Variants in FYB2 observed in about 807,000 individuals in gnomAD.
FYB2 encodes the protein FYN binding protein 2.
Under a neutral mutation model 94.1 loss-of-function variants are expected in FYB2, and 103 were observed. The ratio of observed to expected loss-of-function variants is 1.09; its 90% CI spans 0.93 to 1.29. The LOEUF (loss-of-function observed/expected upper bound fraction) is 1.29, where lower values mean the gene tolerates loss of function less well. Ranked by LOEUF, FYB2 falls within the 50% of genes most tolerant of loss-of-function variation. The pLI, the probability that FYB2 is intolerant of heterozygous loss-of-function variation, is 0.00. For synonymous variants in FYB2, 293 were observed against 287.9 expected, an observed-to-expected ratio of 1.02 and a Z score of -0.18; for missense variants, 896 against 841.5, an observed-to-expected ratio of 1.06 and a Z score of -0.80.
At chr1:56,743,002 G>A (rs903290414) in intron 11 of FYB2, among the ~76,000 whole-genome samples, 4 of 151,752 alleles carry the variant, frequency 2.6e-5, no homozygotes, top group African/African-American at 9.7e-5. Flanking sequence ...TTTGATAATT[G>A]TATACATAGT....
intron 6 of FYB2, among the ~76,000 whole-genome samples, chr1:56,757,699 T>C (rs796253826): frequency 0.042 from 3,024 of 72,814 alleles, 3 homozygotes; most frequent in East Asian, 0.1. Context: ...TCTTTCTTTC[T>C]TTCTTTCTTT....
chr1:56,802,305 G>A (rs974037452), intron 1 of FYB2, among the ~76,000 whole-genome samples: 5 of 152,124 alleles, frequency 3.3e-5, no homozygotes, highest in Non-Finnish European at 2.9e-5. Flanking sequence ...TTGTATCTTC[G>A]GCTGATAGCT....
chr1:56,801,368 T>G (rs148820928), intron 1 of FYB2, among the ~76,000 whole-genome samples: 13 of 152,300 alleles, frequency 8.5e-5, no homozygotes, highest in African/African-American at 3.1e-4. Context: ...ACCTACTGCT[T>G]CCCATTGATG....
intron 1 of FYB2, among the ~76,000 whole-genome samples, chr1:56,818,897 C>A (rs1039054167): frequency 2.6e-5 from 4 of 152,124 alleles, no homozygotes; most frequent in African/African-American, 4.8e-5. Flanking sequence ...GACCAGGAGG[C>A]CCGCTAATCA....
At chr1:56,758,637 T>G in intron 6 of FYB2, 79 bp downstream of exon 6, 2 of 1,146,194 alleles carry the variant, frequency 1.7e-6, no homozygotes, top group Non-Finnish European at 2.5e-6. Context: ...ATTTTTTCCC[T>G]CTAAAAGATA....
chr1:56,820,537 ATCT>A (rs1386922175), upstream of FYB2, among the ~76,000 whole-genome samples: 2 of 152,186 alleles, frequency 1.3e-5, no homozygotes, highest in Admixed American at 6.5e-5. Flanking sequence ...GTTCTTAGAA[ATCT>A]TCTCCTGTCC....
In FYB2 at chr1:56,719,572, C is replaced by G. The variant is rs984400002; in HGVS notation, c.*99G>C. 1 of 1,086,958 alleles carries G rather than the reference C, an allele frequency of 9.2e-7. No homozygotes were observed. The highest frequency in any genetic ancestry group is 2.8e-5 in the Admixed American group (1 of 35,680). The allele number at this position is 1,086,958 out of a possible 1,614,324, so 67.3% of individuals were successfully genotyped here. On this transcript the variant is annotated 3_prime_UTR_variant, in exon 20 of 20. Coordinates refer to ENST00000343433, the MANE Select transcript of FYB2 (RefSeq NM_001004303.5). Reference sequence around the variant, plus strand: ...AAAGTTTCCACAGATTCCACCATCTCAAAATTTTGACATGTAAACTGAAAC... The same window carrying G: ...AAAGTTTCCACAGATTCCACCATCTGAAAATTTTGACATGTAAACTGAAAC...
intron 1 of FYB2, among the ~76,000 whole-genome samples, chr1:56,795,240 T>C (rs1429384954): frequency 6.6e-6 from 1 of 152,170 alleles, no homozygotes; most frequent in Non-Finnish European, 1.5e-5. Flanking sequence ...ATTTGTCTTT[T>C]TGTAACTGTC....
intron 1 of FYB2, among the ~76,000 whole-genome samples, chr1:56,804,176 T>C (rs996625510): frequency 1.9e-4 from 29 of 152,214 alleles, no homozygotes; most frequent in African/African-American, 5.5e-4. Flanking sequence ...ACTACAATTA[T>C]TCAAGTAGAT....
chr1:56,801,009 T>C (rs1646507164), intron 1 of FYB2, among the ~76,000 whole-genome samples: 1 of 152,158 alleles, frequency 6.6e-6, no homozygotes, highest in South Asian at 2.1e-4. Context: ...AAAACGAAGC[T>C]GGTCTGTTAA....
At chr1:56,820,592 C>T (rs550562559), upstream of FYB2, among the ~76,000 whole-genome samples, 3 of 152,324 alleles carry the variant, frequency 2.0e-5, no homozygotes, top group Non-Finnish European at 2.9e-5. Context: ...GAGGAGACCC[C>T]GCCTGAGGGC....
intron 17 of FYB2, among the ~76,000 whole-genome samples, chr1:56,721,369 C>T (rs1438654324): frequency 6.6e-6 from 1 of 151,924 alleles, no homozygotes; most frequent in Non-Finnish European, 1.5e-5. Flanking sequence ...ATTAAGAGTG[C>T]CTCCTTCCAC....
chr1:56,812,850 C>A (rs1303936292), intron 1 of FYB2, among the ~76,000 whole-genome samples: 1 of 152,162 alleles, frequency 6.6e-6, no homozygotes. Context: ...TACATAAATT[C>A]TCTCATTTTA....
At chr1:56,720,434 A>T in intron 17 of FYB2, 105 bp from the exon 18 acceptor site, 2 of 1,016,896 alleles carry the variant, frequency 2.0e-6, no homozygotes, top group South Asian at 2.2e-5. Flanking sequence ...AACTCAAGAT[A>T]CTATTGACTA....
chr1:56,720,367 A>C, intron 17 of FYB2, 38 bp from the exon 18 acceptor site: 1 of 1,531,558 alleles, frequency 6.5e-7, no homozygotes, highest in South Asian at 1.3e-5. Context: ...ATTCTTGCAT[A>C]GTTGTTATTT....
rs143832170 is a variant in FYB2 at position 56,764,648 on chromosome 1, G to T, written c.1063+3181C>A. Among the ~76,000 whole-genome samples, 5 of 151,344 alleles carry T rather than the reference G, an allele frequency of 3.3e-5. No individual in the cohort carries two copies. The East Asian group carries it at 9.7e-4, about 29-fold the overall frequency. ...TCAAGCATGTCCATAACTATGCATT[G>T]GAAAATTTTATAAAAGCTGCTTTAA... On this transcript the variant is annotated intron_variant, in intron 5 of 19. Coordinates refer to ENST00000343433, the MANE Select transcript of FYB2 (RefSeq NM_001004303.5).
intron 12 of FYB2, among the ~76,000 whole-genome samples, chr1:56,741,739 G>A (rs1017470706): frequency 4.0e-5 from 6 of 151,744 alleles, no homozygotes; most frequent in Admixed American, 2.0e-4. Context: ...CCAAATCCCG[G>A]AGATAGCCTT....
chr1:56,822,251 G>T (rs1435051122), upstream of FYB2, among the ~76,000 whole-genome samples: 1 of 152,172 alleles, frequency 6.6e-6, no homozygotes, highest in African/African-American at 2.4e-5. Context: ...GAAGATCAGA[G>T]ACTTCAATCC....
At chr1:56,809,617 T>A (rs190122979) in intron 1 of FYB2, among the ~76,000 whole-genome samples, 4 of 152,318 alleles carry the variant, frequency 2.6e-5, no homozygotes, top group Admixed American at 2.6e-4. Context: ...CAAGGAAACT[T>A]TCCATCAGGG....
Sources: allele counts gnomAD v4.1 joint callset (sites outside exome capture counted in the v4.1 genomes callset), GRCh38; gene constraint gnomAD v4.1.1; transcripts MANE v1.5; gene names NCBI Gene and HGNC (gene_info 2026-07-23, HGNC 2026-07-21).